Variants in DOCK6 observed in about 807,000 individuals in gnomAD.
DOCK6 encodes the protein dedicator of cytokinesis 6, also known as dedicator of cytokinesis protein 6.
DOCK6 carries 167 observed loss-of-function variants against 230.3 expected under a neutral mutation model. The observed-to-expected ratio is 0.73, with a 90% confidence interval of 0.64 to 0.82. The LOEUF (loss-of-function observed/expected upper bound fraction) is 0.82, where lower values mean the gene tolerates loss of function less well. DOCK6 is among the 40% of genes least tolerant of loss of function. The pLI is 0.00. For synonymous variants in DOCK6, 1,148 were observed against 1,185.0 expected (o/e 0.97, Z 0.64); for missense variants, 2,598 against 2,825.8 (o/e 0.92, Z 1.83).
In DOCK6 at chr19:11,217,071, G is replaced by A. The variant is rs576856028; in HGVS notation, c.3737C>T (p.Ser1246Phe). 3.1e-6 allele frequency: 5 copies of A among 1,613,344 alleles called. No homozygotes were observed. Among genetic ancestry groups the A allele is most frequent in the African/African-American group, 1.3e-5 (1 of 75,068 alleles). ...PTASRAGCAL[S>F]AESSRTLLAC... ...CAGCAAGGTCCGGCTTGACTCAGCA[G>A]AGAGGGCACAGCCTGCGCGAGAAGC... Residue 1246 changes from serine (S) to phenylalanine (F), a missense_variant, in exon 30 of 48, where the codon TCT becomes TTT. Coordinates refer to ENST00000294618, the MANE Select transcript of DOCK6 (RefSeq NM_020812.4).
At chr19:11,262,347 G>A (rs1319955222) in intron 1 of DOCK6, 50 bp downstream of exon 1, 7 of 1,209,760 alleles carry the variant, frequency 5.8e-6, no homozygotes, top group Non-Finnish European at 7.2e-6. Flanking sequence ...GCCCCGGGGC[G>A]GAGCCGGGCC....
At position 11,262,405 on chromosome 19, in the gene DOCK6, C is replaced by T. The variant is rs1304768839; in HGVS notation, c.36G>A (p.Lys12=). ...CCCCGCGGCCACACTACCTGTTGATCTTGTGCGCGAAGGCGCGGCGCTCGG... is the reference window on the plus strand; with the variant it reads ...CCCCGCGGCCACACTACCTGTTGATTTTGTGCGCGAAGGCGCGGCGCTCGG... ...AASERRAFAH[K]INRTVAAEVR... Residue 12 remains lysine, a synonymous_variant, in exon 1 of 48, where the codon AAG becomes AAA. Transcript: ENST00000294618. 9.4e-6 allele frequency: 12 copies of T among 1,280,682 alleles called. No individual in the cohort carries two copies. Among genetic ancestry groups the T allele is most frequent in the Non-Finnish European group, 1.2e-5 (12 of 1,012,766 alleles). The allele number at this position is 1,280,682 out of a possible 1,614,324, so 79.3% of individuals were successfully genotyped here.
chr19:11,204,445 C>T, intron 39 of DOCK6, 114 bp from the exon 40 acceptor site: 1 of 1,434,890 alleles, frequency 7.0e-7, no homozygotes, highest in Non-Finnish European at 9.3e-7. Context: ...CCATCACCTC[C>T]TCCAGGAAGC....
chr19:11,209,830 C>T (rs1274475608), intron 37 of DOCK6, among the ~76,000 whole-genome samples: 1 of 60,018 alleles, frequency 1.7e-5, no homozygotes, highest in African/African-American at 4.3e-5. Context: ...CACCCTCTCA[C>T]CTGTCCACCC....
Position 11,199,712 on chromosome 19 carries a change from C to T in DOCK6, c.6102-173G>A, listed in dbSNP as rs115477715. On this transcript the variant is annotated intron_variant, in intron 47 of 47. Transcript: ENST00000294618. ...TCCGATTCTCTCTTGCAGTCCACCACGGAAGGTATGAATCATCCCCATTTT... is the reference window on the plus strand; with the variant it reads ...TCCGATTCTCTCTTGCAGTCCACCATGGAAGGTATGAATCATCCCCATTTT... Among the ~76,000 whole-genome samples the T allele has an allele frequency of 6.0e-3, 921 of 152,304 alleles. 9 individuals are homozygous for T. The highest frequency in any genetic ancestry group is 0.021 in the African/African-American group (878 of 41,552).
chr19:11,201,097 G>T lies in DOCK6; in HGVS notation c.5689-45C>A. 1.2e-6 allele frequency: 2 copies of T among 1,605,028 alleles called. No homozygotes were observed. Among genetic ancestry groups the T allele is most frequent in the Non-Finnish European group, 1.7e-6 (2 of 1,177,016 alleles). ...GTGTGTACTCGCTGGGGCCTGAGGA[G>T]GTCCTGATCGAAGCCAGTCGGGGGC... On this transcript the variant is annotated intron_variant, in intron 44 of 47. Transcript: ENST00000294618. The surrounding 1 kb of genome is among the most constrained non-coding windows in gnomAD (Gnocchi z 4.3).
rs771718350 is a variant in DOCK6, at chr19:11,204,238, C to A, written c.5182G>T (p.Gly1728Cys). 1 of 1,580,478 alleles carries A rather than the reference C, an allele frequency of 6.3e-7. No homozygotes were observed. The highest frequency in any genetic ancestry group is 8.6e-7 in the Non-Finnish European group (1 of 1,161,550). The change falls in exon 40 of 48, where the codon GGC becomes TGC. Residue 1728 changes from glycine (G) to cysteine (C), a missense_variant. Gly to Cys is a radical substitution (Grantham distance 159, BLOSUM62 -3). Transcript: ENST00000294618. Reference sequence around the variant, plus strand: ...TTGGTGAAGGCCTCCTGCAGTTTGCCGTGCACCGCGGCCAGCTTCTTGTAG... The same window carrying A: ...TTGGTGAAGGCCTCCTGCAGTTTGCAGTGCACCGCGGCCAGCTTCTTGTAG... Reference protein sequence around the residue: ...RDYKKLAAVHGKLQEAFTKIM... With the variant: ...RDYKKLAAVHCKLQEAFTKIM...
In DOCK6 at chr19:11,201,239, G is replaced by T. The variant is rs1417462175; in HGVS notation, c.5689-187C>A. Among the ~76,000 whole-genome samples the T allele has an allele frequency of 6.6e-6, 1 of 151,990 alleles. No individual in the cohort carries two copies. Among genetic ancestry groups the T allele is most frequent in the Non-Finnish European group, 1.5e-5 (1 of 67,964 alleles). On this transcript the variant is annotated intron_variant, in intron 44 of 47. Coordinates refer to ENST00000294618, the MANE Select transcript of DOCK6 (RefSeq NM_020812.4). The surrounding 1 kb of genome is among the most constrained non-coding windows in gnomAD (Gnocchi z 4.3). The stretch of plus-strand genomic sequence containing the variant: ...CAGCCTTGGGTCTGCTGGGTCTGGT[G>T]CCCTGGGGTCCAGGGGCTTTACCTC...
intron 41 of DOCK6, chr19:11,203,138 CAGTGG>C: frequency 4.6e-6 from 1 of 218,428 alleles, no homozygotes; most frequent in Non-Finnish European, 9.3e-6. Context: ...CACTCTAGGA[CAGTGG>C]CTCTGGTTCC....
chr19:11,246,653 T>C (rs1380485014), intron 7 of DOCK6, among the ~76,000 whole-genome samples: 1 of 152,168 alleles, frequency 6.6e-6, no homozygotes, highest in African/African-American at 2.4e-5. Context: ...CTTGTTCCGT[T>C]GGCATGGGGG....
At chr19:11,259,556 CTTTTTTTTTT>C (rs756965986) in intron 1 of DOCK6, among the ~76,000 whole-genome samples, 1 of 103,644 alleles carries the variant, frequency 9.6e-6, no homozygotes, top group South Asian at 3.8e-4. Flanking sequence ...TATTTCTTTT[CTTTTTTTTTT>C]TTTTTTTTTG....
chr19:11,237,844 T>G, intron 16 of DOCK6, 65 bp from the exon 17 acceptor site: 1 of 1,510,212 alleles, frequency 6.6e-7, no homozygotes, highest in Non-Finnish European at 9.0e-7. Flanking sequence ...CCATCACCTC[T>G]GCCATGCCAC....
chr19:11,235,929 G>A (rs1423971816), intron 20 of DOCK6, 170 bp from the exon 21 acceptor site: 1 of 851,996 alleles, frequency 1.2e-6, no homozygotes, highest in Non-Finnish European at 1.7e-6. Context: ...TGCCCGGGCT[G>A]GAGTCCAGTG....
rs117014874 is a variant in DOCK6, at chr19:11,242,040, C to T, written c.1643+5G>A. The T allele has an allele frequency of 5.0e-4, 789 of 1,567,110 alleles. 5 individuals carry two copies. The East Asian group carries it at 0.013, about 26-fold the overall frequency. On this transcript the variant is annotated splice_donor_5th_base_variant and intron_variant, in intron 14 of 47. Coordinates refer to ENST00000294618, the MANE Select transcript of DOCK6 (RefSeq NM_020812.4). ...AAGTGCCCAGCTGGGCCCCAGAGGC[C>T]GTACCTGTAGCTGGTATGGGGGGCA...
chr19:11,208,947 G>T lies in DOCK6; in HGVS notation c.4908C>A (p.Asp1636Glu). The change falls in exon 38 of 48, where the codon GAC becomes GAA. Residue 1636 changes from aspartate to glutamate, a missense_variant. Coordinates refer to ENST00000294618, the MANE Select transcript of DOCK6 (RefSeq NM_020812.4). Reference sequence around the variant, plus strand: ...CGCAGCCCACGGGCAGGTGGCGGTGGTCCTCGAGCAGGGCGAGGTACTCAG... The same window carrying T: ...CGCAGCCCACGGGCAGGTGGCGGTGTTCCTCGAGCAGGGCGAGGTACTCAG... The part of the protein sequence containing the change: ...LVAEYLALLE[D>E]HRHLPVGCVS... 1.3e-6 allele frequency: 2 copies of T among 1,598,570 alleles called. No individual in the cohort carries two copies. Among genetic ancestry groups the T allele is most frequent in the Non-Finnish European group, 8.6e-7 (1 of 1,168,158 alleles).
intron 28 of DOCK6, 146 bp downstream of exon 28, chr19:11,221,705 T>C: frequency 1.7e-6 from 2 of 1,193,758 alleles, no homozygotes; most frequent in Non-Finnish European, 2.4e-6. Context: ...ATGACTTAAG[T>C]AGTCTGTCCT....
At chr19:11,262,312 G>T in intron 1 of DOCK6, 85 bp downstream of exon 1, 1 of 921,984 alleles carries the variant, frequency 1.1e-6, no homozygotes, top group Non-Finnish European at 1.4e-6. Flanking sequence ...TGAATTGGGG[G>T]CGCCCGGGCG....
chr19:11,242,224 C>T lies in DOCK6; in HGVS notation c.1481-17G>A, dbSNP rs563886967. 1.8e-5 allele frequency: 26 copies of T among 1,439,904 alleles called. No individual in the cohort carries two copies. In the South Asian group the frequency reaches 2.1e-4, roughly 12 times the overall value. 89.2% of individuals were successfully genotyped at this position (1,439,904 alleles called of 1,614,324 possible). A position where few individuals can be genotyped will look rare whatever the true frequency, so the allele number is the denominator to read the frequency against. ...TGAGCTGGGCTGGGAAGGGAAGAAC[C>T]GGTTTGCACCTGCCTGGGAGCCTCC... On this transcript the variant is annotated splice_polypyrimidine_tract_variant and intron_variant, in intron 13 of 47. Coordinates refer to ENST00000294618, the MANE Select transcript of DOCK6 (RefSeq NM_020812.4).
Position 11,229,039 on chromosome 19 carries a change from G to C in DOCK6, c.2719-4C>G. 6.2e-7 allele frequency: 1 copy of C among 1,613,134 alleles called. No homozygotes were observed. The highest frequency in any genetic ancestry group is 8.5e-7 in the Non-Finnish European group (1 of 1,179,584). ...GAGCCAGCTCCTCGTGAAGCAGCTG[G>C]GGACAGAGGCAGGGGTCACAGAGTG... On this transcript the variant is annotated splice_region_variant and splice_polypyrimidine_tract_variant and intron_variant, in intron 22 of 47. Coordinates refer to ENST00000294618, the MANE Select transcript of DOCK6 (RefSeq NM_020812.4).
Sources: allele counts gnomAD v4.1 joint callset (sites outside exome capture counted in the v4.1 genomes callset), GRCh38; gene constraint gnomAD v4.1.1; non-coding constraint Gnocchi (gnomAD v3.1); transcripts MANE v1.5; gene names NCBI Gene and HGNC (gene_info 2026-07-23, HGNC 2026-07-21).